MAGI2: variants seen among roughly 807,000 people sequenced by gnomAD.
MAGI2 encodes membrane associated guanylate kinase, WW and PDZ domain containing 2.
A neutral mutation model predicts 133.3 loss-of-function variants in MAGI2; 35 were observed. The ratio of observed to expected loss-of-function variants is 0.26; its 90% confidence interval spans 0.20 to 0.35. The LOEUF (loss-of-function observed/expected upper bound fraction) is 0.35. Ranked by LOEUF, MAGI2 falls within the 10% of genes least tolerant of loss-of-function variation. The pLI is 1.00. For synonymous variants in MAGI2, 729 were observed against 710.6 expected (o/e 1.03, Z -0.41); for missense variants, 1,636 against 1,863.4 (o/e 0.88, Z 2.25).
In MAGI2 at chr7:78,741,192, T is replaced by C. The variant is rs117000417; in HGVS notation, c.419-113953A>G. Reference sequence around the variant, plus strand: ...GAGCTATAGGAATTCTCATGAAATATCTTCTTGTTGGGTAATCTAAGAAGC... The same window carrying C: ...GAGCTATAGGAATTCTCATGAAATACCTTCTTGTTGGGTAATCTAAGAAGC... On this transcript the variant is annotated intron_variant, in intron 2 of 21. Transcript: ENST00000354212. Among the ~76,000 whole-genome samples, 115 of 152,166 alleles carry C rather than the reference T, an allele frequency of 7.6e-4. No homozygotes were observed. In the East Asian group the frequency reaches 0.01, roughly 13 times the overall value.
At chr7:78,278,160 G>A (rs955347739) in intron 9 of MAGI2, among the ~76,000 whole-genome samples, 3 of 152,068 alleles carry the variant, frequency 2.0e-5, no homozygotes, top group African/African-American at 7.2e-5. Context: ...ATCCTGGGGA[G>A]TACTGGGAAT....
At chr7:78,381,229 C>CTCAGCTACTCGGGAGGCTGAGGCAAGA (rs1383176644) in intron 6 of MAGI2, among the ~76,000 whole-genome samples, 1 of 152,114 alleles carries the variant, frequency 6.6e-6, no homozygotes, top group African/African-American at 2.4e-5. Context: ...CATCTGTAAT[C>CTCAGCTACTCGGGAGGCTGAGGCAAGA]TCAGCTACTC....
intron 1 of MAGI2, among the ~76,000 whole-genome samples, chr7:79,147,386 C>G (rs1822747267): frequency 6.6e-6 from 1 of 152,160 alleles, no homozygotes; most frequent in Admixed American, 6.5e-5. Context: ...ACAAGTCATG[C>G]CCACCCTTGG....
chr7:79,433,432 A>T (rs1186275981), intron 1 of MAGI2, among the ~76,000 whole-genome samples: 2 of 152,058 alleles, frequency 1.3e-5, no homozygotes, highest in Non-Finnish European at 2.9e-5. Context: ...AGGCGCCTGT[A>T]GTCCCAGCTA....
At chr7:79,024,384 A>G (rs532391328) in intron 1 of MAGI2, among the ~76,000 whole-genome samples, 261 of 152,276 alleles carry the variant, frequency 1.7e-3, no homozygotes, top group African/African-American at 5.8e-3. Flanking sequence ...AAAACCCTGA[A>G]TGATAACCTA....
At chr7:78,634,348 G>C (rs531846875) in intron 2 of MAGI2, among the ~76,000 whole-genome samples, 263 of 152,328 alleles carry the variant, frequency 1.7e-3, no homozygotes, top group African/African-American at 6.1e-3. Flanking sequence ...AACCTGATTA[G>C]TAAGTAGGTC....
intron 1 of MAGI2, among the ~76,000 whole-genome samples, chr7:79,402,477 T>C (rs1470187057): frequency 6.6e-6 from 1 of 152,128 alleles, no homozygotes; most frequent in South Asian, 2.1e-4. Context: ...TTAAACAATA[T>C]TACTTTCCAT....
In MAGI2 at chr7:78,401,481, C is replaced by A. The variant is rs549549958; in HGVS notation, c.1046-32268G>T. ...TCTGTCTCTCTCCCCCTCTCTCTCT[C>A]ATTTTGTTGAACCAACTCTTGTGCC... On this transcript the variant is annotated intron_variant, in intron 6 of 21. Coordinates refer to ENST00000354212, the MANE Select transcript of MAGI2 (RefSeq NM_012301.4). Among the ~76,000 whole-genome samples the A allele has an allele frequency of 3.2e-4, 48 of 152,234 alleles. 1 individual carries two copies. The highest frequency in any genetic ancestry group is 1.2e-3 in the African/African-American group (48 of 41,558).
chr7:79,298,777 G>A (rs1837147797), intron 1 of MAGI2, among the ~76,000 whole-genome samples: 1 of 152,094 alleles, frequency 6.6e-6, no homozygotes, highest in East Asian at 1.9e-4. Context: ...AATTTAGAAT[G>A]AGCTAATTCT....
At chr7:78,322,368 C>G (rs1283501218) in intron 9 of MAGI2, among the ~76,000 whole-genome samples, 1 of 152,148 alleles carries the variant, frequency 6.6e-6, no homozygotes, top group East Asian at 1.9e-4. Context: ...CCTAAATGCT[C>G]ATCAATGATA....
intron 1 of MAGI2, among the ~76,000 whole-genome samples, chr7:79,186,197 T>C (rs1259535539): frequency 2.8e-3 from 3 of 1,062 alleles, no homozygotes; most frequent in African/African-American, 8.2e-3. Context: ...GGAAAATATA[T>C]ATATATATAT....
intron 6 of MAGI2, among the ~76,000 whole-genome samples, chr7:78,384,738 A>G (rs575073807): frequency 6.6e-6 from 1 of 152,322 alleles, no homozygotes; most frequent in East Asian, 1.9e-4. Context: ...AATGAAATTT[A>G]AAATTTACCT....
At chr7:79,136,898 C>T (rs182880352) in intron 1 of MAGI2, among the ~76,000 whole-genome samples, 4 of 152,268 alleles carry the variant, frequency 2.6e-5, no homozygotes, top group Admixed American at 1.3e-4. Context: ...AGATGAAACA[C>T]TTGCCCGGCC....
At chr7:79,208,566 T>A (rs1293948240) in intron 1 of MAGI2, among the ~76,000 whole-genome samples, 1 of 151,936 alleles carries the variant, frequency 6.6e-6, no homozygotes, top group Non-Finnish European at 1.5e-5. Context: ...AGAGAATCCT[T>A]GTACACTGCT....
chr7:78,102,675 C>T (rs1484619786), intron 20 of MAGI2, among the ~76,000 whole-genome samples: 1 of 152,162 alleles, frequency 6.6e-6, no homozygotes, highest in African/African-American at 2.4e-5. Flanking sequence ...CTTAGGCTCA[C>T]CAAAAGGGCT....
Position 78,256,559 on chromosome 7 carries a change from A to T in MAGI2, c.1431T>A (p.Asn477Lys). Reference sequence around the variant, plus strand: ...GAGTGTGTCCAAGGACACAAACTTCATTAATATAGACAATGACATCACCTG... The same window carrying T: ...GAGTGTGTCCAAGGACACAAACTTCTTTAATATAGACAATGACATCACCTG... ...METGDVIVYI[N>K]EVCVLGHTHA... The change falls in exon 10 of 22, where the codon AAT becomes AAA. Residue 477 changes from asparagine (N) to lysine (K), a missense_variant. Physicochemically the swap from Asn to Lys is moderately conservative, Grantham distance 94. Transcript: ENST00000354212. 3.1e-6 allele frequency: 5 copies of T among 1,613,446 alleles called. No individual in the cohort carries two copies. Among genetic ancestry groups the T allele is most frequent in the Non-Finnish European group, 4.2e-6 (5 of 1,179,736 alleles).
chr7:79,257,240 CTT>C (rs1372848599), intron 1 of MAGI2, among the ~76,000 whole-genome samples: 1 of 151,966 alleles, frequency 6.6e-6, no homozygotes, highest in African/African-American at 2.4e-5. Flanking sequence ...TAAACATACA[CTT>C]CATAATTTGT....
At chr7:79,151,741 T>C (rs1823265921) in intron 1 of MAGI2, among the ~76,000 whole-genome samples, 1 of 151,902 alleles carries the variant, frequency 6.6e-6, no homozygotes, top group African/African-American at 2.4e-5. Flanking sequence ...ATAAGAAAAA[T>C]AAGATGAGAA....
intron 12 of MAGI2, among the ~76,000 whole-genome samples, chr7:78,189,592 T>C (rs1209353581): frequency 1.3e-5 from 2 of 152,246 alleles, no homozygotes; most frequent in African/African-American, 4.8e-5. Flanking sequence ...TGTTTACTTA[T>C]AATAACCAAA....
Sources: gnomAD v4.1 joint callset for allele counts (sites outside exome capture counted in the v4.1 genomes callset) on GRCh38, gnomAD v4.1.1 for gene constraint, MANE v1.5 for transcripts, NCBI Gene and HGNC (gene_info 2026-07-23, HGNC 2026-07-21) for gene names.